Variants in NT5C3B observed in about 807,000 individuals in gnomAD.
NT5C3B encodes 5'-nucleotidase, cytosolic IIIB.
NT5C3B carries 28 observed loss-of-function variants against 32.5 expected under a neutral mutation model. That is an observed-to-expected ratio of 0.86 (90% CI 0.64 to 1.18). The LOEUF (loss-of-function observed/expected upper bound fraction) is 1.18, where lower values mean the gene tolerates loss of function less well. Ranked by LOEUF, NT5C3B falls within the 50% of genes most tolerant of loss-of-function variation. The probability of loss-of-function intolerance (pLI) is 0.00; values close to 1 mark genes in which losing one functional copy is unlikely to be tolerated. For missense variants in NT5C3B, 317 were observed against 322.0 expected, an observed-to-expected ratio of 0.98 and a Z score of 0.12; for synonymous variants, 138 against 118.0, an observed-to-expected ratio of 1.17 and a Z score of -1.10.
chr17:41,830,950 T>C, intron 5 of NT5C3B, 60 bp from the exon 6 acceptor site: 1 of 1,111,408 alleles, frequency 9.0e-7, no homozygotes, highest in Non-Finnish European at 1.4e-6. Context: ...TAACTCACCC[T>C]TTCCCTTTAC....
chr17:41,836,220 G>C lies in NT5C3B; in HGVS notation c.-27C>G. The C allele has an allele frequency of 8.1e-7, 1 of 1,238,586 alleles. No individual in the cohort carries two copies. The highest frequency in any genetic ancestry group is 1.0e-6 in the Non-Finnish European group (1 of 993,134). 76.7% of individuals were successfully genotyped at this position (1,238,586 alleles called of 1,614,324 possible). On this transcript the variant is annotated 5_prime_UTR_variant, in exon 1 of 9. Transcript: ENST00000435506. ...CCGTTCGAGGCCTGGTCGGCGGCTCGCGGGACAACGACAGCCCCGCGACCG... is the reference window on the plus strand; with the variant it reads ...CCGTTCGAGGCCTGGTCGGCGGCTCCCGGGACAACGACAGCCCCGCGACCG...
At chr17:41,830,983 C>A in intron 5 of NT5C3B, 93 bp from the exon 6 acceptor site, 1 of 824,966 alleles carries the variant, frequency 1.2e-6, no homozygotes, top group Non-Finnish European at 2.1e-6. Flanking sequence ...CCTCTGACAG[C>A]ATTGCCGACA....
intron 4 of NT5C3B, among the ~76,000 whole-genome samples, chr17:41,834,577 T>A (rs1555619514): frequency 6.6e-6 from 1 of 151,928 alleles, no homozygotes; most frequent in East Asian, 1.9e-4. Flanking sequence ...TGAGACCCCA[T>A]CTCTACAAAA....
chr17:41,835,289 A>G lies in NT5C3B; in HGVS notation c.112-17T>C, dbSNP rs1555619735. On this transcript the variant is annotated splice_polypyrimidine_tract_variant and intron_variant, in intron 2 of 8. Coordinates refer to ENST00000435506, the MANE Select transcript of NT5C3B (RefSeq NM_052935.5). Reference sequence around the variant, plus strand: ...AGAAATCACCTATAAGGCAAAAGAGAGATGATGCCTAAATAGGCACCAGAA... The same window carrying G: ...AGAAATCACCTATAAGGCAAAAGAGGGATGATGCCTAAATAGGCACCAGAA... The G allele has an allele frequency of 1.2e-6, 2 of 1,610,046 alleles. No homozygotes were observed. Among genetic ancestry groups the G allele is most frequent in the Admixed American group, 1.7e-5 (1 of 60,012 alleles).
chr17:41,829,169 A>G (rs1272026726), intron 6 of NT5C3B, among the ~76,000 whole-genome samples: 1 of 152,000 alleles, frequency 6.6e-6, no homozygotes, highest in Non-Finnish European at 1.5e-5. Context: ...CCACAGGTGC[A>G]TGCCACCACA....
chr17:41,829,078 G>A (rs12936561), intron 6 of NT5C3B, 126 bp from the exon 7 acceptor site: 106,117 of 734,070 alleles, frequency 0.14, 8,585 homozygotes, highest in East Asian at 0.16. Flanking sequence ...CTGGAGGGCA[G>A]TGGCACAATC....
At chr17:41,836,062 AG>A in intron 1 of NT5C3B, 105 bp from the exon 2 acceptor site, 1 of 1,395,900 alleles carries the variant, frequency 7.2e-7, no homozygotes. Context: ...GGGGTGCGCG[AG>A]GGGGCGGCTA....
At chr17:41,835,818 C>G in intron 2 of NT5C3B, 41 bp downstream of exon 2, 3 of 1,550,208 alleles carry the variant, frequency 1.9e-6, no homozygotes, top group Non-Finnish European at 2.6e-6. Context: ...GCCTCTCCAG[C>G]CGCCCCCAGC....
In NT5C3B at chr17:41,832,382, C is replaced by T; in HGVS notation, c.314+10G>A. ...GGGCCCAGAAGCTTTTCTCCACCACCATCACTCACCATTCCACCATATGAG... is the reference window on the plus strand; with the variant it reads ...GGGCCCAGAAGCTTTTCTCCACCACTATCACTCACCATTCCACCATATGAG... On this transcript the variant is annotated intron_variant, in intron 5 of 8. Transcript: ENST00000435506. 2 of 1,612,370 alleles carry T rather than the reference C, an allele frequency of 1.2e-6. No individual in the cohort carries two copies. Among genetic ancestry groups the T allele is most frequent in the Non-Finnish European group, 1.7e-6 (2 of 1,178,680 alleles).
intron 4 of NT5C3B, among the ~76,000 whole-genome samples, chr17:41,833,706 A>T (rs574529396): frequency 2.0e-5 from 3 of 152,226 alleles, no homozygotes; most frequent in Non-Finnish European, 4.4e-5. Context: ...ATGGCAAAAA[A>T]AATGAAATAT....
chr17:41,833,336 G>A (rs201316517), intron 4 of NT5C3B, among the ~76,000 whole-genome samples: 1 of 53,574 alleles, frequency 1.9e-5, no homozygotes, highest in Admixed American at 2.7e-4. Flanking sequence ...TTTTTTTTTT[G>A]AGACAAGTCT....
chr17:41,834,844 G>T (rs892498156), intron 4 of NT5C3B, among the ~76,000 whole-genome samples: 1 of 152,158 alleles, frequency 6.6e-6, no homozygotes, highest in Non-Finnish European at 1.5e-5. Flanking sequence ...AAACTCTATA[G>T]CCAACAGTAA....
chr17:41,825,612 G>A lies in NT5C3B; in HGVS notation c.814C>T (p.Leu272=), dbSNP rs1015557501. 3.4e-6 allele frequency: 3 copies of A among 872,866 alleles called. No homozygotes were observed. The highest frequency in any genetic ancestry group is 4.0e-6 in the Non-Finnish European group (2 of 501,692). 54.1% of individuals were successfully genotyped at this position (872,866 alleles called of 1,614,324 possible). A position where few individuals can be genotyped will look rare whatever the true frequency, so the allele number is the denominator to read the frequency against. ...ERYMDSYDIV[L]EKDETLDVVN... is the part of the protein sequence containing the mutation. ...ACATCCAGAGTCTCGTCCTTCTCCA[G>A]CACGATGTCATAGGAGTCCATGTAG... is the stretch of plus-strand genomic sequence containing the variant. The change falls in exon 9 of 9, where the codon CTG becomes TTG. Residue 272 remains leucine, a synonymous_variant. Coordinates refer to ENST00000435506, the MANE Select transcript of NT5C3B (RefSeq NM_052935.5).
intron 5 of NT5C3B, among the ~76,000 whole-genome samples, chr17:41,831,624 C>T (rs2048053160): frequency 6.6e-6 from 1 of 152,196 alleles, no homozygotes; most frequent in African/African-American, 2.4e-5. Context: ...CTTTCTCTTT[C>T]TCTCTCCCCT....
chr17:41,829,404 C>T (rs193273496), intron 6 of NT5C3B, among the ~76,000 whole-genome samples: 179 of 152,274 alleles, frequency 1.2e-3, no homozygotes, highest in Admixed American at 2.5e-3. Flanking sequence ...ATTCAATAAG[C>T]GGTTAAAGTG....
chr17:41,834,956 G>A lies in NT5C3B; in HGVS notation c.228+114C>T, dbSNP rs1371881805. ...TAGACCCTCCTTAGCAAAACAACAAGTTTTTAAAAATTAATTTTCTAAGGT... is the reference window on the plus strand; with the variant it reads ...TAGACCCTCCTTAGCAAAACAACAAATTTTTAAAAATTAATTTTCTAAGGT... On this transcript the variant is annotated intron_variant, in intron 4 of 8. Coordinates refer to ENST00000435506, the MANE Select transcript of NT5C3B (RefSeq NM_052935.5). The A allele has an allele frequency of 2.7e-6, 3 of 1,096,062 alleles. No homozygotes were observed. In the African/African-American group the frequency reaches 4.8e-5, roughly 17 times the overall value. The allele number at this position is 1,096,062 out of a possible 1,614,324, so 67.9% of individuals were successfully genotyped here. A position where few individuals can be genotyped will look rare whatever the true frequency, so the allele number is the denominator to read the frequency against.
At chr17:41,832,352 C>T (rs1398516431) in intron 5 of NT5C3B, 40 bp downstream of exon 5, 1 of 1,580,874 alleles carries the variant, frequency 6.3e-7, no homozygotes, top group Non-Finnish European at 8.7e-7. Context: ...CCTACTCCAT[C>T]TCAAGGGCCC....
intron 1 of NT5C3B, 106 bp from the exon 2 acceptor site, chr17:41,836,063 G>A (rs1293252236): frequency 1.3e-5 from 18 of 1,397,524 alleles, no homozygotes; most frequent in Non-Finnish European, 1.7e-5. Flanking sequence ...GGGTGCGCGA[G>A]GGGGCGGCTA....
At chr17:41,833,811 C>T (rs2048092811) in intron 4 of NT5C3B, among the ~76,000 whole-genome samples, 1 of 152,164 alleles carries the variant, frequency 6.6e-6, no homozygotes, top group African/African-American at 2.4e-5. Context: ...ATGTGTGTTT[C>T]CTCTAAGGTT....
Sources: gnomAD v4.1 joint callset for allele counts (sites outside exome capture counted in the v4.1 genomes callset) on GRCh38, gnomAD v4.1.1 for gene constraint, MANE v1.5 for transcripts, NCBI Gene and HGNC (gene_info 2026-07-23, HGNC 2026-07-21) for gene names.